BMP2K: variants seen among roughly 807,000 people sequenced by gnomAD.
BMP2K encodes the protein BMP2 inducible kinase, also known as BMP-2-inducible protein kinase.
BMP2K carries 74 observed loss-of-function variants against 116.0 expected under a neutral mutation model. The observed-to-expected ratio is 0.64, with a 90% CI of 0.53 to 0.77. The LOEUF is 0.77. Ranked by LOEUF, BMP2K falls within the 30% of genes least tolerant of loss-of-function variation. The pLI, the probability that BMP2K is intolerant of heterozygous loss-of-function variation, is 0.00. For synonymous variants in BMP2K, 486 were observed against 502.5 expected, an observed-to-expected ratio of 0.97 and a Z score of 0.44; for missense variants, 1,365 against 1,403.6, an observed-to-expected ratio of 0.97 and a Z score of 0.44.
intron 1 of BMP2K, among the ~76,000 whole-genome samples, chr4:78,802,480 C>A (rs1728610278): frequency 6.6e-6 from 1 of 152,160 alleles, no homozygotes; most frequent in Non-Finnish European, 1.5e-5. Context: ...AAGTTTTCAT[C>A]TTTTTGATGT....
chr4:78,824,193 G>GT (rs1425772265), intron 1 of BMP2K, among the ~76,000 whole-genome samples: 1 of 152,174 alleles, frequency 6.6e-6, no homozygotes, highest in Non-Finnish European at 1.5e-5. Flanking sequence ...AAGTTGTGCA[G>GT]TTTCTTATAA....
At chr4:78,884,523 C>G (rs928868958) in intron 14 of BMP2K, among the ~76,000 whole-genome samples, 1 of 152,046 alleles carries the variant, frequency 6.6e-6, no homozygotes, top group African/African-American at 2.4e-5. Flanking sequence ...GACCTAAATA[C>G]TTATACTTTT....
chr4:78,877,191 A>C (rs906766040), intron 13 of BMP2K, among the ~76,000 whole-genome samples: 4 of 152,112 alleles, frequency 2.6e-5, no homozygotes, highest in African/African-American at 7.2e-5. Flanking sequence ...TGACTTTATA[A>C]ACACTGCATT....
chr4:78,795,761 T>C lies in BMP2K; in HGVS notation c.178+19040T>C, dbSNP rs562111407. ...ACAGACACTTCTCAAAAGAAGACAT[T>C]TATGCAGCCAAAAAACACATGAAAA... On this transcript the variant is annotated intron_variant, in intron 1 of 15. Coordinates refer to ENST00000502613, the MANE Select transcript of BMP2K (RefSeq NM_198892.2). Among the ~76,000 whole-genome samples, 6 of 152,218 alleles carry C rather than the reference T, an allele frequency of 3.9e-5. No individual in the cohort carries two copies. In the East Asian group the frequency reaches 9.6e-4, roughly 24 times the overall value.
Position 78,776,657 on chromosome 4 carries a change from C to A in BMP2K, c.114C>A (p.Ser38=), listed in dbSNP as rs542064293. 4.1e-6 allele frequency: 5 copies of A among 1,231,590 alleles called. 1 individual carries two copies. The South Asian group carries it at 2.0e-4, about 50-fold the overall frequency. The allele number at this position is 1,231,590 out of a possible 1,614,324, so 76.3% of individuals were successfully genotyped here. ...CCGGCTGCGGCTCCGGCGGCTCGTC[C>A]GTGGGGGTCCGGGTGTTCGCGGTCG... ...AGAGCGSGGS[S]VGVRVFAVGR... is the part of the protein sequence containing the mutation. Residue 38 remains serine, a synonymous_variant, in exon 1 of 16, where the codon TCC becomes TCA. Transcript: ENST00000502613.
chr4:78,788,068 A>G (rs759124840), intron 1 of BMP2K, among the ~76,000 whole-genome samples: 1 of 151,336 alleles, frequency 6.6e-6, no homozygotes, highest in Admixed American at 6.6e-5. Flanking sequence ...TTTTTCCTGA[A>G]TCTTGTCAGG....
Position 78,844,989 on chromosome 4 carries a change from C to A in BMP2K, c.608C>A (p.Thr203Asn), listed in dbSNP as rs368203128. 2 of 1,595,248 alleles carry A rather than the reference C, an allele frequency of 1.3e-6. No individual in the cohort carries two copies. Among genetic ancestry groups the A allele is most frequent in the Non-Finnish European group, 1.7e-6 (2 of 1,164,594 alleles). The change falls in exon 5 of 16, where the codon ACT becomes AAT. Residue 203 changes from threonine (T) to asparagine (N), a missense_variant. Around this residue, in one of 3 missense-constraint regions of BMP2K, gnomAD observed 762 missense variants for 756.7 expected, o/e 1.01. Coordinates refer to ENST00000502613, the MANE Select transcript of BMP2K (RefSeq NM_198892.2). ...NYVLCDFGSA[T>N]NKFLNPQKDG... ...GTACTTTGTGACTTTGGCAGTGCCACTAATAAATTTCTTAATCCTCAAAAA... is the reference window on the plus strand; with the variant it reads ...GTACTTTGTGACTTTGGCAGTGCCAATAATAAATTTCTTAATCCTCAAAAA...
At chr4:78,863,172 T>C (rs1731876289) in intron 9 of BMP2K, among the ~76,000 whole-genome samples, 1 of 152,116 alleles carries the variant, frequency 6.6e-6, no homozygotes, top group African/African-American at 2.4e-5. Flanking sequence ...CTGAACATTA[T>C]GTATATTAAA....
intron 1 of BMP2K, among the ~76,000 whole-genome samples, chr4:78,789,350 T>C (rs1022961903): frequency 2.6e-5 from 4 of 152,192 alleles, no homozygotes; most frequent in African/African-American, 9.6e-5. Flanking sequence ...TCATTTTGTT[T>C]CCTTATGCCT....
At chr4:78,873,487 A>G (rs1008401628) in intron 13 of BMP2K, among the ~76,000 whole-genome samples, 5 of 152,190 alleles carry the variant, frequency 3.3e-5, no homozygotes. Flanking sequence ...ATGAACACTG[A>G]AGTTCTCATA....
At chr4:78,879,236 G>A in intron 14 of BMP2K, 2 of 1,022,556 alleles carry the variant, frequency 2.0e-6, no homozygotes, top group Non-Finnish European at 2.3e-6. Context: ...CCTTACTAAT[G>A]ATTTTGCAGC....
Position 78,914,776 on chromosome 4 carries a change from C to T in BMP2K, c.*2743C>T, listed in dbSNP as rs1734904529. On this transcript the variant is annotated 3_prime_UTR_variant, in exon 16 of 16. Transcript: ENST00000502613. ...TTTCCCTAATATTATTTGGGTGTCC[C>T]CTGTGCTTCTTTAGGATGTAGTTAT... 1 of 150,552 alleles carries T rather than the reference C, an allele frequency of 6.6e-6. No homozygotes were observed. 9.3% of individuals were successfully genotyped at this position (150,552 alleles called of 1,614,324 possible). A position where few individuals can be genotyped will look rare whatever the true frequency, so the allele number is the denominator to read the frequency against.
intron 8 of BMP2K, among the ~76,000 whole-genome samples, chr4:78,860,299 T>C (rs1011670654): frequency 2.6e-5 from 4 of 151,864 alleles, no homozygotes; most frequent in Admixed American, 1.3e-4. Context: ...TATATCCTTA[T>C]AACAAAGCTG....
At chr4:78,831,123 A>G (rs1009010262) in intron 2 of BMP2K, among the ~76,000 whole-genome samples, 2 of 152,198 alleles carry the variant, frequency 1.3e-5, no homozygotes, top group African/African-American at 4.8e-5. Context: ...GACAGAGGGA[A>G]CCCCAAGGAG....
At chr4:78,846,602 C>A (rs1376035607) in intron 5 of BMP2K, among the ~76,000 whole-genome samples, 1 of 151,320 alleles carries the variant, frequency 6.6e-6, no homozygotes, top group Non-Finnish European at 1.5e-5. Flanking sequence ...TTCATAATAC[C>A]TTTTGATTCC....
intron 1 of BMP2K, among the ~76,000 whole-genome samples, chr4:78,794,853 A>C (rs944232868): frequency 3.3e-5 from 5 of 152,180 alleles, no homozygotes; most frequent in African/African-American, 9.7e-5. Context: ...GTGAGCCACC[A>C]TGCCAGCCGT....
At chr4:78,879,731 A>G (rs1360283656) in intron 14 of BMP2K, 3 of 152,142 alleles carry the variant, frequency 2.0e-5, no homozygotes, top group Non-Finnish European at 4.4e-5. Flanking sequence ...AATAATCCCT[A>G]GTTTATAGTT....
chr4:78,811,494 C>T (rs1037762128), intron 1 of BMP2K, among the ~76,000 whole-genome samples: 1 of 152,178 alleles, frequency 6.6e-6, no homozygotes, highest in Non-Finnish European at 1.5e-5. Context: ...CACATGTATG[C>T]ATATGCAGGT....
At position 78,878,806 on chromosome 4, in the gene BMP2K, A is replaced by C. The variant is rs1732761285; in HGVS notation, c.1866A>C (p.Ser622=). ...QKNISNPPDM[S]GWNPFGEDNF... is the part of the protein sequence containing the mutation. ...ACATCAGCAATCCACCTGATATGTCAGGGTGGAATCCTTTTGGAGAGGATA... is the reference window on the plus strand; with the variant it reads ...ACATCAGCAATCCACCTGATATGTCCGGGTGGAATCCTTTTGGAGAGGATA... The change falls in exon 14 of 16, where the codon TCA becomes TCC. Residue 622 remains serine (S), a synonymous_variant. Transcript: ENST00000502613. 1.2e-6 allele frequency: 2 copies of C among 1,613,376 alleles called. No homozygotes were observed. The highest frequency in any genetic ancestry group is 2.2e-5 in the South Asian group (2 of 90,870).
Sources: gnomAD v4.1 joint callset for allele counts (sites outside exome capture counted in the v4.1 genomes callset) on GRCh38, gnomAD v4.1.1 for gene constraint, gnomAD v4.1.1 regional missense constraint, MANE v1.5 for transcripts, NCBI Gene and HGNC (gene_info 2026-07-23, HGNC 2026-07-21) for gene names.